The following MTMR3 variants were observed in gnomAD, a reference collection of about 807,000 sequenced individuals.
MTMR3 encodes myotubularin related protein 3.
A neutral mutation model predicts 132.4 loss-of-function variants in MTMR3; 32 were observed. The observed-to-expected ratio is 0.24, with a 90% CI of 0.18 to 0.32. The LOEUF (loss-of-function observed/expected upper bound fraction) is 0.32, where lower values mean the gene tolerates loss of function less well. Ranked by LOEUF, MTMR3 falls within the 10% of genes least tolerant of loss-of-function variation. The probability of loss-of-function intolerance (pLI) is 1.00; values close to 1 mark genes in which losing one functional copy is unlikely to be tolerated. For missense variants in MTMR3, 1,216 were observed against 1,489.6 expected (o/e 0.82, Z 3.02); for synonymous variants, 556 against 550.3 (o/e 1.01, Z -0.14).
intron 1 of MTMR3, among the ~76,000 whole-genome samples, chr22:29,938,535 A>G (rs1384247394): frequency 1.3e-5 from 2 of 152,164 alleles, no homozygotes; most frequent in East Asian, 3.9e-4. Flanking sequence ...ATATAGAGAG[A>G]AATTTTTCTT....
chr22:29,952,692 A>G (rs2066108147), intron 1 of MTMR3, among the ~76,000 whole-genome samples: 1 of 152,200 alleles, frequency 6.6e-6, no homozygotes, highest in Non-Finnish European at 1.5e-5. Context: ...TTACCACAGT[A>G]GCTGAATGTA....
At chr22:29,954,057 G>GTATT (rs753326368) in intron 1 of MTMR3, among the ~76,000 whole-genome samples, 16 of 49,088 alleles carry the variant, frequency 3.3e-4, no homozygotes, top group African/African-American at 1.4e-3. Flanking sequence ...TTTCAAATGA[G>GTATT]TCTTTTTTTT....
intron 1 of MTMR3, among the ~76,000 whole-genome samples, chr22:29,909,104 AT>A (rs1478496208): frequency 6.6e-6 from 1 of 151,490 alleles, no homozygotes. Flanking sequence ...CATCCTCCCA[AT>A]TTAGCCTCCA....
rs2067811597 is a variant in MTMR3 at position 30,023,220 on chromosome 22, T to C, written c.3425+523T>C. On this transcript the variant is annotated intron_variant, in intron 19 of 19. Coordinates refer to ENST00000401950, the MANE Select transcript of MTMR3 (RefSeq NM_021090.4). The stretch of plus-strand genomic sequence containing the variant: ...TTCTGGGTTAGGGTAGTGAGTTTAC[T>C]AGGGACCCTTTGCCCCAGCTAGGGT... The C allele has an allele frequency of 2.1e-5, 12 of 566,854 alleles. No homozygotes were observed. The South Asian group carries it at 2.2e-4, about 10-fold the overall frequency. The allele number at this position is 566,854 out of a possible 1,614,324, so 35.1% of individuals were successfully genotyped here.
In MTMR3 at chr22:30,025,901, C is replaced by A. The variant is rs951278547; in HGVS notation, c.*100C>A. On this transcript the variant is annotated 3_prime_UTR_variant, in exon 20 of 20. Transcript: ENST00000401950. ...AGGCCCGTGCACTTTGGAATGGGAG[C>A]GTGGAACCACCTGTACAGAGTGACA... 4 of 1,247,598 alleles carry A rather than the reference C, an allele frequency of 3.2e-6. No individual in the cohort carries two copies. Among genetic ancestry groups the A allele is most frequent in the South Asian group, 2.5e-5 (2 of 79,450 alleles). The allele number at this position is 1,247,598 out of a possible 1,614,324, so 77.3% of individuals were successfully genotyped here.
chr22:29,910,052 T>G (rs1045601953), intron 1 of MTMR3, among the ~76,000 whole-genome samples: 3 of 151,872 alleles, frequency 2.0e-5, no homozygotes, highest in African/African-American at 7.3e-5. Context: ...CACTACTCGC[T>G]ACTCGGGAGG....
chr22:30,023,580 G>C, intron 19 of MTMR3: 3 of 1,474,036 alleles, frequency 2.0e-6, no homozygotes, highest in South Asian at 2.3e-5. Flanking sequence ...ACTTACTAGG[G>C]TGAAGCCTGG....
chr22:29,993,054 C>T (rs556676979), intron 7 of MTMR3: 1 of 152,138 alleles, frequency 6.6e-6, no homozygotes, highest in Non-Finnish European at 1.5e-5. Flanking sequence ...TCAGACCTGA[C>T]CATGGTGGAT....
At position 29,935,942 on chromosome 22, in the gene MTMR3, C is replaced by T. The variant is rs375623991; in HGVS notation, c.-137-21094C>T. On this transcript the variant is annotated intron_variant, in intron 1 of 19. Transcript: ENST00000401950. ...TAATTTTTAGTATTTTTAGTAGAGA[C>T]GGGGTTTCACCGTATTAGCCAGGGT... Among the ~76,000 whole-genome samples the T allele has an allele frequency of 1.9e-4, 29 of 152,034 alleles. No homozygotes were observed. In the East Asian group the frequency reaches 4.5e-3, roughly 23 times the overall value.
intron 1 of MTMR3, among the ~76,000 whole-genome samples, chr22:29,889,312 G>T (rs2064745185): frequency 1.4e-5 from 2 of 141,530 alleles, no homozygotes; most frequent in African/African-American, 2.6e-5. Context: ...TTTTTAGATG[G>T]CGTCTCGCTC....
intron 16 of MTMR3, chr22:30,019,199 T>A (rs1323920820): frequency 1.1e-5 from 3 of 279,570 alleles, no homozygotes; most frequent in African/African-American, 4.5e-5. Flanking sequence ...TGAGACTCCG[T>A]CTCAAAAAAA....
intron 2 of MTMR3, among the ~76,000 whole-genome samples, chr22:29,964,824 T>C (rs1158942222): frequency 6.6e-6 from 1 of 152,216 alleles, no homozygotes; most frequent in Non-Finnish European, 1.5e-5. Flanking sequence ...TGTCAATGGC[T>C]CCCTGTTGTA....
intron 1 of MTMR3, among the ~76,000 whole-genome samples, chr22:29,932,535 A>T (rs543953709): frequency 2.0e-5 from 3 of 152,290 alleles, no homozygotes; most frequent in African/African-American, 7.2e-5. Context: ...TATGATTCAG[A>T]TGATTAATAG....
chr22:29,965,372 A>C (rs2066393912), intron 2 of MTMR3, among the ~76,000 whole-genome samples: 1 of 152,132 alleles, frequency 6.6e-6, no homozygotes, highest in Non-Finnish European at 1.5e-5. Flanking sequence ...CCGAGTGGCA[A>C]ATCTTTGTCT....
chr22:29,931,613 C>T (rs1602499679), intron 1 of MTMR3, among the ~76,000 whole-genome samples: 1 of 152,148 alleles, frequency 6.6e-6, no homozygotes. Flanking sequence ...TGGGGTTCCA[C>T]CATATTGACC....
intron 3 of MTMR3, 141 bp downstream of exon 3, chr22:29,971,203 C>T (rs1238013192): frequency 1.2e-5 from 9 of 768,172 alleles, no homozygotes; most frequent in African/African-American, 4.1e-5. Flanking sequence ...TCTCTTGTGT[C>T]TTTTCTTTTC....
intron 14 of MTMR3, chr22:30,015,731 C>CTTT (rs1183480879): frequency 6.6e-6 from 1 of 152,194 alleles, no homozygotes; most frequent in African/African-American, 2.4e-5. Flanking sequence ...TTACATTTTA[C>CTTT]ACAAAAGCCA....
chr22:29,947,820 T>C (rs2065981309), intron 1 of MTMR3, among the ~76,000 whole-genome samples: 1 of 152,186 alleles, frequency 6.6e-6, no homozygotes, highest in Admixed American at 6.5e-5. Flanking sequence ...GAGATAAATA[T>C]TACTAATTTT....
intron 16 of MTMR3, 146 bp downstream of exon 16, chr22:30,018,218 T>C (rs2067648999): frequency 3.5e-5 from 31 of 886,482 alleles, no homozygotes; most frequent in South Asian, 1.3e-4. Flanking sequence ...AGGGAAGTTA[T>C]AGGGATTTCT....
Sources: allele counts gnomAD v4.1 joint callset (sites outside exome capture counted in the v4.1 genomes callset), GRCh38; gene constraint gnomAD v4.1.1; transcripts MANE v1.5; gene names NCBI Gene and HGNC (gene_info 2026-07-23, HGNC 2026-07-21).